The following MTUS2 variants were observed in gnomAD, a reference collection of about 807,000 sequenced individuals.
MTUS2 encodes microtubule associated scaffold protein 2.
MTUS2 carries 40 observed loss-of-function variants against 114.1 expected under a neutral mutation model. That is an observed-to-expected ratio of 0.35 (90% CI 0.27 to 0.46). MTUS2 has a LOEUF of 0.46. Ranked by LOEUF, MTUS2 falls within the 20% of genes least tolerant of loss-of-function variation. The probability of loss-of-function intolerance (pLI) is 1.00; values close to 1 mark genes in which losing one functional copy is unlikely to be tolerated. For missense variants in MTUS2, 1,679 were observed against 1,705.4 expected, an observed-to-expected ratio of 0.98 and a Z score of 0.27; for synonymous variants, 688 against 672.0, an observed-to-expected ratio of 1.02 and a Z score of -0.37.
intron 14 of MTUS2, among the ~76,000 whole-genome samples, chr13:29,500,802 CACA>C (rs1168099362): frequency 1.9e-4 from 29 of 150,176 alleles, no homozygotes; most frequent in African/African-American, 6.9e-4. Context: ...AACACACACA[CACA>C]CACACACACA....
At chr13:29,110,856 G>GT (rs1226127149) in intron 5 of MTUS2, among the ~76,000 whole-genome samples, 1 of 152,144 alleles carries the variant, frequency 6.6e-6, no homozygotes, top group Non-Finnish European at 1.5e-5. Flanking sequence ...CATTCAATAT[G>GT]TTTAATGAAG....
At chr13:29,251,603 C>T (rs1353049131) in intron 5 of MTUS2, among the ~76,000 whole-genome samples, 1 of 152,124 alleles carries the variant, frequency 6.6e-6, no homozygotes, top group Non-Finnish European at 1.5e-5. Flanking sequence ...TTCTGGCAAC[C>T]GCCATTCTAC....
intron 4 of MTUS2, among the ~76,000 whole-genome samples, chr13:29,038,634 C>T (rs964942382): frequency 2.0e-5 from 3 of 152,252 alleles, no homozygotes; most frequent in Non-Finnish European, 2.9e-5. Flanking sequence ...GCTGAAGCTG[C>T]ACCCACAGCT....
chr13:28,837,007 A>G (rs571944582), intron 1 of MTUS2, among the ~76,000 whole-genome samples: 1 of 152,266 alleles, frequency 6.6e-6, no homozygotes, highest in East Asian at 1.9e-4. Flanking sequence ...GGTGATTGAA[A>G]TCTACTCAGG....
intron 6 of MTUS2, among the ~76,000 whole-genome samples, chr13:29,315,995 A>T (rs957464760): frequency 2.0e-5 from 3 of 152,212 alleles, no homozygotes; most frequent in Admixed American, 6.5e-5. Flanking sequence ...TGCAGGTGTC[A>T]AAGAACTGAA....
intron 8 of MTUS2, 22 bp from the exon 9 acceptor site, chr13:29,439,932 TTATCTAGCATAAAACTAGGGGACTCTCGG>T (rs1200565999): frequency 7.3e-7 from 1 of 1,362,850 alleles, no homozygotes; most frequent in African/African-American, 1.4e-5. Context: ...GTGAAAGTGC[TTATCTAGCATAAAACTAGGGGACTCTCGG>T]TATCCGTTTT....
At chr13:29,444,770 G>A (rs1416121638) in intron 9 of MTUS2, among the ~76,000 whole-genome samples, 1 of 152,236 alleles carries the variant, frequency 6.6e-6, no homozygotes, top group Non-Finnish European at 1.5e-5. Context: ...TGGCACAGGT[G>A]GGTGGGGAAA....
intron 6 of MTUS2, among the ~76,000 whole-genome samples, chr13:29,294,888 T>C (rs1006083930): frequency 6.6e-6 from 1 of 152,198 alleles, no homozygotes; most frequent in African/African-American, 2.4e-5. Context: ...AAAATGCTCT[T>C]GTGAGTTAGA....
chr13:29,314,607 A>G (rs1899910284), intron 6 of MTUS2, among the ~76,000 whole-genome samples: 1 of 152,198 alleles, frequency 6.6e-6, no homozygotes, highest in Non-Finnish European at 1.5e-5. Context: ...AGCATTATAA[A>G]CATGTTACTT....
At chr13:29,207,977 T>G (rs1262967719) in intron 5 of MTUS2, among the ~76,000 whole-genome samples, 1 of 152,172 alleles carries the variant, frequency 6.6e-6, no homozygotes, top group African/African-American at 2.4e-5. Flanking sequence ...TTTTCTGTCT[T>G]TTGAAATAGT....
At chr13:29,382,884 GA>G (rs373005214) in intron 8 of MTUS2, among the ~76,000 whole-genome samples, 3 of 150,784 alleles carry the variant, frequency 2.0e-5, no homozygotes, top group Non-Finnish European at 3.0e-5. Flanking sequence ...GAGGCTTCCT[GA>G]AAAAAAAATA....
intron 9 of MTUS2, among the ~76,000 whole-genome samples, chr13:29,472,588 G>A (rs763639181): frequency 6.6e-6 from 1 of 152,110 alleles, no homozygotes; most frequent in Non-Finnish European, 1.5e-5. Context: ...ACAAGGATCT[G>A]TGCCACCAAA....
chr13:28,986,978 A>T (rs556177451), intron 2 of MTUS2, among the ~76,000 whole-genome samples: 2 of 152,290 alleles, frequency 1.3e-5, no homozygotes, highest in East Asian at 3.9e-4. Context: ...TCTAGTCCAG[A>T]GCTTTGTGTA....
chr13:28,922,097 A>C (rs1367505974), intron 2 of MTUS2, among the ~76,000 whole-genome samples: 1 of 152,106 alleles, frequency 6.6e-6, no homozygotes, highest in African/African-American at 2.4e-5. Flanking sequence ...ATAGTGAGTG[A>C]GTTCTCATGA....
At chr13:28,828,736 A>G (rs1874447912) in intron 1 of MTUS2, among the ~76,000 whole-genome samples, 1 of 152,166 alleles carries the variant, frequency 6.6e-6, no homozygotes, top group South Asian at 2.1e-4. Flanking sequence ...AGTAATACAA[A>G]TAAATATTTT....
At chr13:28,856,616 C>A (rs1431817336) in intron 2 of MTUS2, among the ~76,000 whole-genome samples, 4 of 152,206 alleles carry the variant, frequency 2.6e-5, no homozygotes, top group African/African-American at 4.8e-5. Context: ...TTGTGTGCAT[C>A]TGCAAATTTG....
At chr13:28,989,246 G>T (rs76179006) in intron 2 of MTUS2, among the ~76,000 whole-genome samples, 7,415 of 152,210 alleles carry the variant, frequency 0.049, 225 homozygotes, top group South Asian at 0.07. Flanking sequence ...CAGGAAAATG[G>T]TTGCTTAGTA....
intron 8 of MTUS2, among the ~76,000 whole-genome samples, chr13:29,411,457 T>C (rs1479489333): frequency 6.6e-6 from 1 of 152,242 alleles, no homozygotes; most frequent in Admixed American, 6.5e-5. Context: ...AGTACCACAT[T>C]GTTTTAATTA....
chr13:29,394,461 GTTA>G (rs1463599471), intron 8 of MTUS2, among the ~76,000 whole-genome samples: 1 of 152,218 alleles, frequency 6.6e-6, no homozygotes, highest in Non-Finnish European at 1.5e-5. Context: ...TAATGTCTGG[GTTA>G]AGGTAAGGGG....
Sources: gnomAD v4.1 joint callset for allele counts (sites outside exome capture counted in the v4.1 genomes callset) on GRCh38, gnomAD v4.1.1 for gene constraint, MANE v1.5 for transcripts, NCBI Gene and HGNC (gene_info 2026-07-23, HGNC 2026-07-21) for gene names.